The following RNPC3 variants were observed in gnomAD, a reference collection of about 807,000 sequenced individuals.
The protein encoded by RNPC3 is RNA-binding region-containing protein 3.
In RNPC3, 48 loss-of-function variants were observed where a neutral mutation model predicts 67.5. That is an observed-to-expected ratio of 0.71 (90% confidence interval 0.56 to 0.90). The LOEUF is 0.90. RNPC3 is among the 40% of genes least tolerant of loss of function. RNPC3 has a pLI of 0.00. For synonymous variants in RNPC3, 239 were observed against 210.3 expected (o/e 1.14, Z -1.18); for missense variants, 637 against 626.1 (o/e 1.02, Z -0.19).
intron 12 of RNPC3, among the ~76,000 whole-genome samples, 184 bp from the exon 13 acceptor site, chr1:103,550,756 AC>A (rs1451934811): frequency 1.3e-5 from 2 of 152,178 alleles, no homozygotes; most frequent in African/African-American, 2.4e-5. Flanking sequence ...AACAAATACT[AC>A]CTACTTGTAG....
chr1:103,549,519 GA>G (rs950469793), intron 12 of RNPC3, among the ~76,000 whole-genome samples: 3 of 150,588 alleles, frequency 2.0e-5, no homozygotes, highest in Non-Finnish European at 3.0e-5. Context: ...TGATTATAAG[GA>G]AAAAAAAATT....
chr1:103,533,040 T>G, intron 2 of RNPC3, among the ~76,000 whole-genome samples: 1 of 151,976 alleles, frequency 6.6e-6, no homozygotes. Flanking sequence ...ACAGTATAAA[T>G]AAGATCACCC....
intron 1 of RNPC3, among the ~76,000 whole-genome samples, chr1:103,526,599 ATTC>A (rs1200505957): frequency 5.3e-5 from 8 of 152,216 alleles, no homozygotes; most frequent in African/African-American, 1.9e-4. Flanking sequence ...ACTCAAGAGT[ATTC>A]TTACAAATGT....
chr1:103,544,695 T>A (rs1449755544), intron 9 of RNPC3, among the ~76,000 whole-genome samples: 2 of 151,840 alleles, frequency 1.3e-5, no homozygotes, highest in Non-Finnish European at 3.0e-5. Flanking sequence ...GTGTGTTTAT[T>A]TAACATTTTT....
chr1:103,546,942 C>A (rs548181596), intron 11 of RNPC3, 35 bp from the exon 12 acceptor site: 18 of 1,123,444 alleles, frequency 1.6e-5, no homozygotes, highest in Non-Finnish European at 2.3e-5. Context: ...TTTCCCCTGG[C>A]TTTGTTATTT....
Position 103,543,390 on chromosome 1 carries a change from C to T in RNPC3, c.988C>T (p.Pro330Ser). The T allele has an allele frequency of 1.3e-6, 2 of 1,518,726 alleles. No individual in the cohort carries two copies. Among genetic ancestry groups the T allele is most frequent in the South Asian group, 1.2e-5 (1 of 81,092 alleles). The allele number at this position is 1,518,726 out of a possible 1,614,324, so 94.1% of individuals were successfully genotyped here. The change falls in exon 9 of 15, where the codon CCA (proline) becomes TCA (serine). Residue 330 changes from proline (P) to serine (S), a missense_variant. Pro to Ser is a moderately conservative substitution (Grantham distance 74). Transcript: ENST00000423855. ...TGAATTCCATATATCTACCGACATGCCAGCTGCATTTAAGAAAGATTTAGA... is the reference window on the plus strand; with the variant it reads ...TGAATTCCATATATCTACCGACATGTCAGCTGCATTTAAGAAAGATTTAGA... ...RIEFHISTDM[P>S]AAFKKDLEKE...
At chr1:103,553,859 C>T (rs924188385) in intron 14 of RNPC3, 8 of 152,146 alleles carry the variant, frequency 5.3e-5, no homozygotes, top group African/African-American at 1.4e-4. Context: ...TATCTTTCTT[C>T]TTTCCCCTTT....
At chr1:103,539,119 G>A (rs991997115) in intron 7 of RNPC3, among the ~76,000 whole-genome samples, 1 of 152,164 alleles carries the variant, frequency 6.6e-6, no homozygotes, top group Non-Finnish European at 1.5e-5. Flanking sequence ...AGCTGGATTT[G>A]GTCATTGAGC....
At chr1:103,531,349 C>T (rs889672780) in intron 2 of RNPC3, among the ~76,000 whole-genome samples, 1 of 152,102 alleles carries the variant, frequency 6.6e-6, no homozygotes, top group Non-Finnish European at 1.5e-5. Context: ...ACTTATTGTC[C>T]TCTGGGTAGA....
chr1:103,541,000 A>T (rs755663540), intron 7 of RNPC3, among the ~76,000 whole-genome samples: 1 of 152,178 alleles, frequency 6.6e-6, no homozygotes, highest in Non-Finnish European at 1.5e-5. Context: ...CATTAATATT[A>T]TATCGATTTT....
chr1:103,549,017 A>G (rs1207211244), intron 12 of RNPC3, among the ~76,000 whole-genome samples: 1 of 152,180 alleles, frequency 6.6e-6, no homozygotes, highest in Non-Finnish European at 1.5e-5. Context: ...TCATGAGAAC[A>G]CAGGAAAGAC....
In RNPC3 at chr1:103,534,821, A is replaced by G. The variant is rs1650942292; in HGVS notation, c.407A>G (p.Tyr136Cys). 6.5e-7 allele frequency: 1 copy of G among 1,532,598 alleles called. No homozygotes were observed. Among genetic ancestry groups the G allele is most frequent in the African/African-American group, 1.4e-5 (1 of 72,678 alleles). 94.9% of individuals were successfully genotyped at this position (1,532,598 alleles called of 1,614,324 possible). A position where few individuals can be genotyped will look rare whatever the true frequency, so the allele number is the denominator to read the frequency against. ...EDDKEKKELG[Y>C]LTVENGIAPN... is the part of the protein sequence containing the mutation. ...GATAAAGAAAAAAAAGAACTTGGTT[A>G]TTTAACAGTAGAAAATGGAATTGCA... Residue 136 changes from tyrosine to cysteine, a missense_variant, in exon 4 of 15, where the codon TAT becomes TGT. By Grantham distance (194) the Tyr-to-Cys change is radical. This residue lies in a region of RNPC3 where 536 missense variants were observed against 500.3 expected (regional missense o/e 1.07). Coordinates refer to ENST00000423855, the MANE Select transcript of RNPC3 (RefSeq NM_017619.4).
chr1:103,552,361 C>A (rs1450409954), intron 14 of RNPC3: 1 of 151,902 alleles, frequency 6.6e-6, no homozygotes, highest in Non-Finnish European at 1.5e-5. Context: ...GAGACCACAG[C>A]TTGAAAACTC....
intron 7 of RNPC3, 99 bp downstream of exon 7, chr1:103,537,583 T>C: frequency 1.0e-6 from 1 of 970,628 alleles, no homozygotes; most frequent in South Asian, 1.9e-5. Flanking sequence ...TACTTAATAG[T>C]TTGGGGTGAT....
rs146855196 is a variant in RNPC3 at position 103,553,400 on chromosome 1, A to G, written c.*12+1608A>G. The G allele has an allele frequency of 8.2e-4, 124 of 152,062 alleles. 1 individual carries two copies. The highest frequency in any genetic ancestry group is 2.9e-3 in the African/African-American group (120 of 41,478). 9.4% of individuals were successfully genotyped at this position (152,062 alleles called of 1,614,324 possible). A position where few individuals can be genotyped will look rare whatever the true frequency, so the allele number is the denominator to read the frequency against. ...ATGTTTGTCCTTCCCCCACCTGTTG[A>G]TCCAGGTTAAGGAATACTTTTTTAC... On this transcript the variant is annotated intron_variant, in intron 14 of 14. Coordinates refer to ENST00000423855, the MANE Select transcript of RNPC3 (RefSeq NM_017619.4).
intron 1 of RNPC3, 107 bp downstream of exon 1, chr1:103,526,369 G>A: frequency 1.1e-6 from 1 of 884,164 alleles, no homozygotes; most frequent in Non-Finnish European, 1.7e-6. Flanking sequence ...AGATGGACTT[G>A]TGTGATGAGA....
Position 103,527,760 on chromosome 1 carries a change from C to A in RNPC3, c.240+18C>A, listed in dbSNP as rs182137993. 8.5e-6 allele frequency: 13 copies of A among 1,520,828 alleles called. No individual in the cohort carries two copies. The African/African-American group carries it at 1.7e-4, about 19-fold the overall frequency. 94.2% of individuals were successfully genotyped at this position (1,520,828 alleles called of 1,614,324 possible). On this transcript the variant is annotated intron_variant, in intron 2 of 14. Transcript: ENST00000423855. ...CTATAAAGGTATGACTTTTTCTTGACGATTAAAGTTGTCAACAGGATCCTC... is the reference window on the plus strand; with the variant it reads ...CTATAAAGGTATGACTTTTTCTTGAAGATTAAAGTTGTCAACAGGATCCTC...
chr1:103,533,249 A>G (rs528399748), intron 2 of RNPC3, among the ~76,000 whole-genome samples: 71 of 152,222 alleles, frequency 4.7e-4, no homozygotes, highest in Middle Eastern at 6.8e-3. Context: ...CATGTCATCA[A>G]TTCTGTTGTC....
At position 103,551,608 on chromosome 1, in the gene RNPC3, C is replaced by G. The variant is rs1352464968; in HGVS notation, c.1495-113C>G. On this transcript the variant is annotated intron_variant, in intron 13 of 14. Transcript: ENST00000423855. ...AAGTCATGAAGAGAGGCAGGAGGCA[C>G]TCAAGGTAAATTAAAAAACCATACT... 6.8e-6 allele frequency: 4 copies of G among 586,866 alleles called. No homozygotes were observed. The East Asian group carries it at 1.3e-4, about 19-fold the overall frequency. The allele number at this position is 586,866 out of a possible 1,614,324, so 36.4% of individuals were successfully genotyped here.
Sources: allele counts gnomAD v4.1 joint callset (sites outside exome capture counted in the v4.1 genomes callset), GRCh38; gene constraint gnomAD v4.1.1; regional missense constraint gnomAD v4.1.1; transcripts MANE v1.5; gene names NCBI Gene and HGNC (gene_info 2026-07-23, HGNC 2026-07-21).